Variants in STK10 observed in about 807,000 individuals in gnomAD.
STK10 encodes the protein serine/threonine kinase 10.
In STK10, 78 loss-of-function variants were observed where a neutral mutation model predicts 113.8. The ratio of observed to expected loss-of-function variants is 0.69; its 90% confidence interval spans 0.57 to 0.83. The LOEUF (loss-of-function observed/expected upper bound fraction) is 0.83. STK10 is among the 40% of genes least tolerant of loss of function. The pLI, the probability that STK10 is intolerant of heterozygous loss-of-function variation, is 0.00. For synonymous variants in STK10, 465 were observed against 494.7 expected (o/e 0.94, Z 0.80); for missense variants, 1,109 against 1,280.1 (o/e 0.87, Z 2.04).
chr5:172,159,521 G>A (rs533448678), intron 1 of STK10, among the ~76,000 whole-genome samples: 45 of 152,210 alleles, frequency 3.0e-4, no homozygotes, highest in African/African-American at 1.0e-3. Flanking sequence ...CAGCCTGGGT[G>A]ACAGGAAAAA....
chr5:172,094,830 G>A (rs950461102), intron 8 of STK10, among the ~76,000 whole-genome samples: 1 of 152,222 alleles, frequency 6.6e-6, no homozygotes, highest in Admixed American at 6.5e-5. Flanking sequence ...AGCCCTTGTG[G>A]CCACTAAGTT....
intron 8 of STK10, among the ~76,000 whole-genome samples, chr5:172,094,622 G>C (rs543946572): frequency 1.9e-4 from 29 of 152,260 alleles, no homozygotes; most frequent in Non-Finnish European, 1.2e-4. Flanking sequence ...GGACTCAAGT[G>C]ATCTGCCCGC....
At chr5:172,173,396 G>C (rs556265947) in intron 1 of STK10, among the ~76,000 whole-genome samples, 30 of 152,358 alleles carry the variant, frequency 2.0e-4, no homozygotes, top group African/African-American at 7.2e-4. Context: ...GCCTCATAGG[G>C]CCAAGCGTTG....
intron 8 of STK10, among the ~76,000 whole-genome samples, chr5:172,094,988 T>C (rs1768814066): frequency 6.6e-6 from 1 of 152,192 alleles, no homozygotes; most frequent in Non-Finnish European, 1.5e-5. Context: ...GTAGCCACTT[T>C]CCAGGTCAGG....
chr5:172,097,343 A>G (rs1003473312), intron 7 of STK10, among the ~76,000 whole-genome samples: 2 of 152,182 alleles, frequency 1.3e-5, no homozygotes, highest in Admixed American at 6.5e-5. Context: ...CCCAGCCTCA[A>G]TGACTTTTTA....
intron 16 of STK10, among the ~76,000 whole-genome samples, chr5:172,055,303 G>A (rs1284628385): frequency 1.3e-5 from 2 of 152,044 alleles, no homozygotes; most frequent in Non-Finnish European, 1.5e-5. Context: ...GGGCTCAAGC[G>A]ATCCTCCCAC....
intron 1 of STK10, among the ~76,000 whole-genome samples, chr5:172,166,283 C>T (rs1180198674): frequency 6.6e-6 from 1 of 152,184 alleles, no homozygotes; most frequent in African/African-American, 2.4e-5. Flanking sequence ...CTCTGTGGAA[C>T]ACCTGGAGAC....
chr5:172,168,833 T>C (rs1770616671), intron 1 of STK10, among the ~76,000 whole-genome samples: 1 of 152,066 alleles, frequency 6.6e-6, no homozygotes, highest in South Asian at 2.1e-4. Context: ...CCCGCCCAGC[T>C]GCTCAGTGTG....
chr5:172,148,750 G>A, intron 2 of STK10, among the ~76,000 whole-genome samples: 1 of 152,268 alleles, frequency 6.6e-6, no homozygotes, highest in East Asian at 1.9e-4. Flanking sequence ...GGCACCCAGA[G>A]AGGGGCATTC....
intron 3 of STK10, among the ~76,000 whole-genome samples, chr5:172,123,418 T>A (rs1451781114): frequency 6.6e-5 from 10 of 152,178 alleles, no homozygotes; most frequent in African/African-American, 2.4e-4. Flanking sequence ...GAGAAGGGTT[T>A]GTCTGCTGGC....
At position 172,057,608 on chromosome 5, in the gene STK10, G is replaced by A; in HGVS notation, c.2213-135C>T. 1.2e-5 allele frequency: 16 copies of A among 1,387,826 alleles called. 1 individual carries two copies. Among genetic ancestry groups the A allele is most frequent in the South Asian group, 5.8e-5 (4 of 68,832 alleles). 86.0% of individuals were successfully genotyped at this position (1,387,826 alleles called of 1,614,324 possible). A position where few individuals can be genotyped will look rare whatever the true frequency, so the allele number is the denominator to read the frequency against. On this transcript the variant is annotated intron_variant, in intron 14 of 18. Transcript: ENST00000176763. ...CTGCTGGGCTCAGGAATTGCCACAT[G>A]TTCTACCTCATTAGACCATGTTGGC...
At chr5:172,096,334 G>A in intron 8 of STK10, 92 bp downstream of exon 8, 1 of 1,564,266 alleles carries the variant, frequency 6.4e-7, no homozygotes, top group East Asian at 2.3e-5. Context: ...CTGAGCCAGA[G>A]TCCTGGCCTT....
chr5:172,082,641 G>T lies in STK10; in HGVS notation c.1810-136C>A. On this transcript the variant is annotated intron_variant, in intron 11 of 18. Coordinates refer to ENST00000176763, the MANE Select transcript of STK10 (RefSeq NM_005990.4). This position sits in a 1 kb window ranked among gnomAD's most constrained non-coding sequence, Gnocchi z 4.3. ...ATCCCAGCTCTACTACCCCGTTGCTGTGTGACCTGGGGCAAGTTACTTAGC... is the reference window on the plus strand; with the variant it reads ...ATCCCAGCTCTACTACCCCGTTGCTTTGTGACCTGGGGCAAGTTACTTAGC... 1 of 1,167,376 alleles carries T rather than the reference G, an allele frequency of 8.6e-7. No homozygotes were observed. The highest frequency in any genetic ancestry group is 1.2e-6 in the Non-Finnish European group (1 of 854,566). The allele number at this position is 1,167,376 out of a possible 1,614,324, so 72.3% of individuals were successfully genotyped here.
chr5:172,144,364 GC>G (rs1770039881), intron 2 of STK10, among the ~76,000 whole-genome samples: 1 of 152,040 alleles, frequency 6.6e-6, no homozygotes, highest in Admixed American at 6.6e-5. Context: ...TGTCAGTGGG[GC>G]GGTGCTGGGA....
At chr5:172,153,935 T>C (rs1770296760) in intron 2 of STK10, among the ~76,000 whole-genome samples, 1 of 152,254 alleles carries the variant, frequency 6.6e-6, no homozygotes, top group African/African-American at 2.4e-5. Flanking sequence ...CCTGACCAGA[T>C]GATGTTCCAC....
In STK10 at chr5:172,141,669, G is replaced by C. The variant is rs144041616; in HGVS notation, c.322-14248C>G. On this transcript the variant is annotated intron_variant, in intron 2 of 18. Transcript: ENST00000176763. ...CAGGTAATACACTCTGGTAAGGGAG[G>C]TGCCTGCTCTACCTGGGCCCTCTTG... 2.0e-5 allele frequency among the ~76,000 whole-genome samples: 3 copies of C among 152,100 alleles called. No individual in the cohort carries two copies. In the East Asian group the frequency reaches 5.8e-4, roughly 29 times the overall value.
At chr5:172,114,052 A>G (rs1196083147) in intron 4 of STK10, among the ~76,000 whole-genome samples, 1 of 152,174 alleles carries the variant, frequency 6.6e-6, no homozygotes, top group Non-Finnish European at 1.5e-5. Context: ...AGGCAGGGAA[A>G]ATTATGACTC....
At chr5:172,156,421 A>C (rs1267353486) in intron 2 of STK10, among the ~76,000 whole-genome samples, 3 of 152,334 alleles carry the variant, frequency 2.0e-5, no homozygotes, top group Middle Eastern at 3.4e-3. Context: ...TTCTGTTCCA[A>C]ATCACTAGTT....
intron 1 of STK10, among the ~76,000 whole-genome samples, chr5:172,175,623 C>T (rs927611871): frequency 6.6e-6 from 1 of 152,180 alleles, no homozygotes; most frequent in African/African-American, 2.4e-5. Context: ...CATGAGAGGC[C>T]ACCATCCATC....
Sources: allele counts gnomAD v4.1 joint callset (sites outside exome capture counted in the v4.1 genomes callset), GRCh38; gene constraint gnomAD v4.1.1; non-coding constraint Gnocchi (gnomAD v3.1); transcripts MANE v1.5; gene names NCBI Gene and HGNC (gene_info 2026-07-23, HGNC 2026-07-21).